SEMA3E: variants seen among roughly 807,000 people sequenced by gnomAD.
SEMA3E encodes the protein semaphorin-3E.
Under a neutral mutation model 93.6 loss-of-function variants are expected in SEMA3E, and 49 were observed. That is an observed-to-expected ratio of 0.52 (90% CI 0.42 to 0.66). The LOEUF (loss-of-function observed/expected upper bound fraction) is 0.66, where lower values mean the gene tolerates loss of function less well. Among genes scored for constraint, SEMA3E ranks in the 30% least tolerant of loss-of-function variants. The pLI is 0.00. For synonymous variants in SEMA3E, 363 were observed against 330.7 expected (o/e 1.10, Z -1.06); for missense variants, 906 against 964.8 (o/e 0.94, Z 0.81).
At chr7:83,587,004 AG>A (rs1157888132) in intron 1 of SEMA3E, among the ~76,000 whole-genome samples, 1 of 152,142 alleles carries the variant, frequency 6.6e-6, no homozygotes, top group Non-Finnish European at 1.5e-5. Flanking sequence ...TGTAAAATAA[AG>A]GTTAGAATAG....
intron 1 of SEMA3E, among the ~76,000 whole-genome samples, chr7:83,507,195 C>T (rs975894044): frequency 6.6e-6 from 1 of 152,058 alleles, no homozygotes; most frequent in African/African-American, 2.4e-5. Context: ...TAGTTGGATC[C>T]TCTGGCAAGG....
At chr7:83,594,809 G>T (rs1163702937) in intron 1 of SEMA3E, among the ~76,000 whole-genome samples, 1 of 151,932 alleles carries the variant, frequency 6.6e-6, no homozygotes. Flanking sequence ...GAATTTGCTG[G>T]CCAGTGATTG....
chr7:83,542,363 C>T (rs1791554954), intron 1 of SEMA3E, among the ~76,000 whole-genome samples: 1 of 151,904 alleles, frequency 6.6e-6, no homozygotes, highest in Admixed American at 6.6e-5. Context: ...TAAGGTCAAA[C>T]TCTTGATAAC....
At chr7:83,550,206 A>G (rs1361986129) in intron 1 of SEMA3E, among the ~76,000 whole-genome samples, 1 of 152,134 alleles carries the variant, frequency 6.6e-6, no homozygotes, top group Admixed American at 6.6e-5. Context: ...AGAACGGATA[A>G]CACCCACATT....
chr7:83,432,193 T>C (rs1313355599), intron 4 of SEMA3E, among the ~76,000 whole-genome samples: 1 of 152,102 alleles, frequency 6.6e-6, no homozygotes, highest in South Asian at 2.1e-4. Context: ...ACAAGCCACC[T>C]CTACCAGGCT....
chr7:83,575,543 C>T (rs1219406069), intron 1 of SEMA3E, among the ~76,000 whole-genome samples: 1 of 151,944 alleles, frequency 6.6e-6, no homozygotes, highest in Non-Finnish European at 1.5e-5. Context: ...GTTTTCTACC[C>T]ATTTTGAGTT....
intron 6 of SEMA3E, 65 bp from the exon 7 acceptor site, chr7:83,407,304 T>C: frequency 7.5e-7 from 1 of 1,326,230 alleles, no homozygotes; most frequent in South Asian, 1.2e-5. Flanking sequence ...AACAAGTTAT[T>C]CCAATAAATT....
intron 1 of SEMA3E, among the ~76,000 whole-genome samples, chr7:83,564,226 G>A (rs1036782569): frequency 6.6e-6 from 1 of 152,034 alleles, no homozygotes; most frequent in Non-Finnish European, 1.5e-5. Flanking sequence ...TGTTCTGCAA[G>A]AAATTAAAAA....
At chr7:83,384,265 G>C (rs1787836912) in intron 16 of SEMA3E, among the ~76,000 whole-genome samples, 1 of 152,026 alleles carries the variant, frequency 6.6e-6, no homozygotes, top group African/African-American at 2.4e-5. Flanking sequence ...TTTGGAATCA[G>C]TAATTTTGTA....
Position 83,385,392 on chromosome 7 carries a change from T to C in SEMA3E, c.1777A>G (p.Ile593Val). 2 of 1,613,590 alleles carry C rather than the reference T, an allele frequency of 1.2e-6. No homozygotes were observed. Among genetic ancestry groups the C allele is most frequent in the Non-Finnish European group, 1.7e-6 (2 of 1,179,632 alleles). Reference sequence around the variant, plus strand: ...TCCAGCAAAGTACTGTTGTTCTCTATGCCATAAGCCAGATGTTCTTCAGTC... The same window carrying C: ...TCCAGCAAAGTACTGTTGTTCTCTACGCCATAAGCCAGATGTTCTTCAGTC... Reference protein sequence around the residue: ...DKTEEHLAYGIENNSTLLECT... With the variant: ...DKTEEHLAYGVENNSTLLECT... Residue 593 changes from isoleucine to valine, a missense_variant, in exon 16 of 17, where the codon ATA becomes GTA. Coordinates refer to ENST00000643230, the MANE Select transcript of SEMA3E (RefSeq NM_012431.3).
chr7:83,460,250 C>A (rs1017318637), intron 4 of SEMA3E, among the ~76,000 whole-genome samples: 2 of 152,148 alleles, frequency 1.3e-5, no homozygotes, highest in Non-Finnish European at 2.9e-5. Flanking sequence ...AGGAACATCT[C>A]ACCAATTTTA....
intron 3 of SEMA3E, among the ~76,000 whole-genome samples, chr7:83,467,057 C>CT (rs59059670): frequency 0.071 from 8,280 of 116,552 alleles, 397 homozygotes; most frequent in South Asian, 0.17. Context: ...AATATGCAGT[C>CT]TTTTTTTTTT....
chr7:83,640,989 A>T (rs1793998127), intron 1 of SEMA3E, among the ~76,000 whole-genome samples: 1 of 152,136 alleles, frequency 6.6e-6, no homozygotes, highest in African/African-American at 2.4e-5. Context: ...AAGGAAGTAG[A>T]GAAAAAGGTG....
At chr7:83,585,648 A>G (rs1244650192) in intron 1 of SEMA3E, among the ~76,000 whole-genome samples, 1 of 152,178 alleles carries the variant, frequency 6.6e-6, no homozygotes, top group Non-Finnish European at 1.5e-5. Context: ...TCTTCACTGT[A>G]TGTGCTTTCT....
chr7:83,568,928 G>A (rs1385692658), intron 1 of SEMA3E, among the ~76,000 whole-genome samples: 7 of 152,004 alleles, frequency 4.6e-5, no homozygotes, highest in Non-Finnish European at 1.0e-4. Context: ...TTGGAAAAAA[G>A]GAAGTCACGT....
chr7:83,370,747 T>G (rs2116896214), intron 16 of SEMA3E, among the ~76,000 whole-genome samples: 1 of 152,308 alleles, frequency 6.6e-6, no homozygotes, highest in South Asian at 2.1e-4. Flanking sequence ...GTTTCGCCTG[T>G]TAACCTTCAT....
chr7:83,533,780 G>C (rs1791353605), intron 1 of SEMA3E, among the ~76,000 whole-genome samples: 1 of 152,018 alleles, frequency 6.6e-6, no homozygotes, highest in Non-Finnish European at 1.5e-5. Flanking sequence ...TGCAAATAAG[G>C]AGGAGGAGGA....
intron 1 of SEMA3E, among the ~76,000 whole-genome samples, chr7:83,600,514 T>A (rs1363249281): frequency 1.3e-4 from 16 of 118,888 alleles, no homozygotes; most frequent in South Asian, 3.0e-4. Flanking sequence ...TTTTTTTTTT[T>A]TTTTTTGTAT....
chr7:83,505,199 A>C (rs1790670861), intron 1 of SEMA3E, among the ~76,000 whole-genome samples: 1 of 152,180 alleles, frequency 6.6e-6, no homozygotes, highest in African/African-American at 2.4e-5. Context: ...ATTGTATTTC[A>C]GCCTTTTTTC....
Sources: gnomAD v4.1 joint callset for allele counts (sites outside exome capture counted in the v4.1 genomes callset) on GRCh38, gnomAD v4.1.1 for gene constraint, MANE v1.5 for transcripts, NCBI Gene and HGNC (gene_info 2026-07-23, HGNC 2026-07-21) for gene names.